The following MELK variants were observed in gnomAD, a reference collection of about 807,000 sequenced individuals.
MELK encodes the protein pEg3 kinase.
MELK carries 81 observed loss-of-function variants against 85.0 expected under a neutral mutation model. The ratio of observed to expected loss-of-function variants is 0.95; its 90% CI spans 0.80 to 1.15. The LOEUF is 1.15. Ranked by LOEUF, MELK falls within the 50% of genes most tolerant of loss-of-function variation. The probability of loss-of-function intolerance (pLI) is 0.00; values close to 1 mark genes in which losing one functional copy is unlikely to be tolerated. For missense variants in MELK, 754 were observed against 777.5 expected, an observed-to-expected ratio of 0.97 and a Z score of 0.36; for synonymous variants, 252 against 265.0, an observed-to-expected ratio of 0.95 and a Z score of 0.48.
intron 8 of MELK, 54 bp downstream of exon 8, chr9:36,607,727 T>C: frequency 1.7e-6 from 2 of 1,171,174 alleles, no homozygotes; most frequent in Non-Finnish European, 2.5e-6. Context: ...TACCGAATAG[T>C]ATATGCTTTC....
chr9:36,610,482 C>T (rs1263685227), intron 8 of MELK, among the ~76,000 whole-genome samples: 1 of 152,198 alleles, frequency 6.6e-6, no homozygotes, highest in Non-Finnish European at 1.5e-5. Context: ...CTATTAACAC[C>T]GCTTTGGGGA....
rs533342153 is a variant in MELK, at chr9:36,645,864, G to A, written c.921+2781G>A. On this transcript the variant is annotated intron_variant, in intron 11 of 17. Coordinates refer to ENST00000298048, the MANE Select transcript of MELK (RefSeq NM_014791.4). Reference sequence around the variant, plus strand: ...AGCAGCATCCAGGTGCTTTTTAGCCGCGAAGACTCTCAGGCCTCACCTCAG... The same window carrying A: ...AGCAGCATCCAGGTGCTTTTTAGCCACGAAGACTCTCAGGCCTCACCTCAG... 3.9e-4 allele frequency among the ~76,000 whole-genome samples: 59 copies of A among 152,232 alleles called. No individual in the cohort carries two copies. The Middle Eastern group carries it at 0.014, about 35-fold the overall frequency.
intron 11 of MELK, among the ~76,000 whole-genome samples, chr9:36,646,491 C>T (rs751634629): frequency 5.3e-5 from 8 of 152,224 alleles, no homozygotes; most frequent in Admixed American, 2.6e-4. Flanking sequence ...AAACTGCTTT[C>T]TCTATGCAGC....
intron 1 of MELK, among the ~76,000 whole-genome samples, chr9:36,579,221 T>G (rs1440743421): frequency 6.6e-6 from 1 of 152,196 alleles, no homozygotes; most frequent in African/African-American, 2.4e-5. Flanking sequence ...GAGACGGGGT[T>G]TCACCATGTT....
intron 7 of MELK, among the ~76,000 whole-genome samples, chr9:36,603,792 CAT>C (rs1381510798): frequency 3.9e-5 from 6 of 152,088 alleles, no homozygotes; most frequent in East Asian, 1.9e-4. Context: ...AATTTATTCT[CAT>C]ATTCAATTCA....
In MELK at chr9:36,581,081, T is replaced by C. The variant is rs188898518; in HGVS notation, c.-38-563T>C. Among the ~76,000 whole-genome samples, 555 of 152,338 alleles carry C rather than the reference T, an allele frequency of 3.6e-3. 4 individuals carry two copies. Among genetic ancestry groups the C allele is most frequent in the Admixed American group, 6.1e-3 (94 of 15,300 alleles). On this transcript the variant is annotated intron_variant, in intron 1 of 17. Transcript: ENST00000298048. ...TTTTGCTGTTGAGTTTTTCTTATTG[T>C]TTTGTCAGAGTTTATGTGTTTCCTG...
intron 8 of MELK, among the ~76,000 whole-genome samples, 192 bp downstream of exon 8, chr9:36,607,865 A>T (rs1433786301): frequency 6.6e-6 from 1 of 152,210 alleles, no homozygotes; most frequent in Non-Finnish European, 1.5e-5. Context: ...AGTTGGCTAC[A>T]CTTGTATACA....
At chr9:36,647,789 G>A (rs10814422) in intron 11 of MELK, among the ~76,000 whole-genome samples, 116,838 of 152,038 alleles carry the variant, frequency 0.77, 47,261 homozygotes, top group East Asian at 0.89. Flanking sequence ...ACTGTGCCCG[G>A]CCATGAAGCC....
intron 8 of MELK, among the ~76,000 whole-genome samples, chr9:36,628,863 CTTTTTTT>C (rs869033969): frequency 1.6e-5 from 2 of 127,898 alleles, no homozygotes; most frequent in Middle Eastern, 4.8e-3. Flanking sequence ...TTTGTATTTT[CTTTTTTT>C]TTTTTTTTTT....
At chr9:36,649,783 T>G (rs575650418) in intron 11 of MELK, among the ~76,000 whole-genome samples, 1 of 151,526 alleles carries the variant, frequency 6.6e-6, no homozygotes, top group African/African-American at 2.4e-5. Context: ...AAAGGGAAAA[T>G]AATGCAAGAA....
chr9:36,573,999 GGTGA>G (rs1053278785), intron 1 of MELK, among the ~76,000 whole-genome samples: 5 of 152,190 alleles, frequency 3.3e-5, no homozygotes, highest in South Asian at 4.1e-4. Flanking sequence ...AGTGGAATGA[GGTGA>G]GTATCAGGAG....
intron 9 of MELK, among the ~76,000 whole-genome samples, chr9:36,632,853 T>C (rs1311771109): frequency 4.6e-5 from 7 of 152,242 alleles, no homozygotes; most frequent in Non-Finnish European, 8.8e-5. Context: ...TCACGAATAA[T>C]GTCCATACCA....
At chr9:36,573,407 AAGG>A (rs1821287676) in intron 1 of MELK, among the ~76,000 whole-genome samples, 2 of 152,280 alleles carry the variant, frequency 1.3e-5, no homozygotes, top group South Asian at 4.1e-4. Flanking sequence ...TGCAATAAAA[AAGG>A]AGATGTGTTA....
chr9:36,605,372 C>A (rs933536365), intron 7 of MELK, among the ~76,000 whole-genome samples: 2 of 151,890 alleles, frequency 1.3e-5, no homozygotes, highest in Non-Finnish European at 2.9e-5. Context: ...CCACACCCGG[C>A]CAAATTTTGT....
At chr9:36,579,231 T>C (rs1821953831) in intron 1 of MELK, among the ~76,000 whole-genome samples, 1 of 152,220 alleles carries the variant, frequency 6.6e-6, no homozygotes, top group African/African-American at 2.4e-5. Flanking sequence ...TTCACCATGT[T>C]GGTCAGGCTG....
At chr9:36,589,070 TG>T (rs927153490) in intron 3 of MELK, among the ~76,000 whole-genome samples, 14 of 152,218 alleles carry the variant, frequency 9.2e-5, no homozygotes, top group Admixed American at 2.0e-4. Context: ...GCCCTTTTTA[TG>T]CACATGCAAA....
chr9:36,603,066 AGGT>A (rs1825099053), intron 7 of MELK, among the ~76,000 whole-genome samples: 1 of 152,124 alleles, frequency 6.6e-6, no homozygotes, highest in Non-Finnish European at 1.5e-5. Context: ...AGATTCCTAG[AGGT>A]GATGAGAATC....
At chr9:36,634,558 A>G (rs756876282) in intron 10 of MELK, among the ~76,000 whole-genome samples, 6 of 152,100 alleles carry the variant, frequency 3.9e-5, no homozygotes, top group East Asian at 1.9e-4. Context: ...TAAAAATGCA[A>G]AAAATTAGCT....
intron 3 of MELK, among the ~76,000 whole-genome samples, chr9:36,588,657 G>A (rs923342899): frequency 7.9e-5 from 12 of 152,088 alleles, no homozygotes; most frequent in Non-Finnish European, 1.5e-4. Context: ...GGGATTATAC[G>A]CGTGATCCAC....
Sources: gnomAD v4.1 joint callset for allele counts (sites outside exome capture counted in the v4.1 genomes callset) on GRCh38, gnomAD v4.1.1 for gene constraint, MANE v1.5 for transcripts, NCBI Gene and HGNC (gene_info 2026-07-23, HGNC 2026-07-21) for gene names.